The following BABAM2 variants were observed in gnomAD, a reference collection of about 807,000 sequenced individuals.
BABAM2 encodes the protein BRISC and BRCA1-A complex member 2.
Under a neutral mutation model 54.7 loss-of-function variants are expected in BABAM2, and 31 were observed. The observed-to-expected ratio is 0.57, with a 90% confidence interval of 0.43 to 0.77. The LOEUF (loss-of-function observed/expected upper bound fraction) is 0.77. Among genes scored for constraint, BABAM2 ranks in the 30% least tolerant of loss-of-function variants. BABAM2 has a pLI of 0.00. For missense variants in BABAM2, 364 were observed against 455.8 expected (o/e 0.80, Z 1.83); for synonymous variants, 167 against 162.9 (o/e 1.03, Z -0.19).
intron 6 of BABAM2, among the ~76,000 whole-genome samples, chr2:28,049,038 G>C (rs973772239): frequency 3.9e-5 from 6 of 152,188 alleles, no homozygotes; most frequent in Non-Finnish European, 5.9e-5. Context: ...TAAAGAAAAG[G>C]TTTGAATTGT....
Position 28,308,085 on chromosome 2 carries a change from T to C in BABAM2, c.1088+9594T>C, listed in dbSNP as rs1688719214. 2.1e-5 allele frequency: 5 copies of C among 233,076 alleles called. No individual in the cohort carries two copies. The South Asian group carries it at 3.2e-4, about 15-fold the overall frequency. 14.4% of individuals were successfully genotyped at this position (233,076 alleles called of 1,614,324 possible). A position where few individuals can be genotyped will look rare whatever the true frequency, so the allele number is the denominator to read the frequency against. On this transcript the variant is annotated intron_variant, in intron 11 of 11. Coordinates refer to ENST00000379624, the MANE Select transcript of BABAM2 (RefSeq NM_199191.3). ...TTATAAAAACTGAGGCTCAGAGTGA[T>C]TAATTGACTTTGCCGAGGGCACACA...
intron 10 of BABAM2, among the ~76,000 whole-genome samples, chr2:28,271,077 C>G (rs1172366975): frequency 6.6e-6 from 1 of 152,158 alleles, no homozygotes; most frequent in African/African-American, 2.4e-5. Context: ...TTATTTGGTT[C>G]TTCCCAGTTT....
chr2:28,152,122 A>C (rs915121409), intron 7 of BABAM2, among the ~76,000 whole-genome samples: 1 of 152,202 alleles, frequency 6.6e-6, no homozygotes, highest in African/African-American at 2.4e-5. Context: ...CATTCTGTCT[A>C]TAGCACCCCT....
chr2:28,006,001 T>C (rs1051547124), intron 4 of BABAM2, among the ~76,000 whole-genome samples: 1 of 152,170 alleles, frequency 6.6e-6, no homozygotes, highest in Non-Finnish European at 1.5e-5. Flanking sequence ...CATCATCAAA[T>C]AACCAGTCAT....
chr2:28,247,357 A>G (rs911926147), intron 10 of BABAM2, among the ~76,000 whole-genome samples: 12 of 152,218 alleles, frequency 7.9e-5, no homozygotes, highest in Admixed American at 1.3e-4. Flanking sequence ...TATCTAAAAT[A>G]TAGGACTTGC....
At chr2:28,223,904 G>T (rs1680635774) in intron 7 of BABAM2, among the ~76,000 whole-genome samples, 1 of 151,960 alleles carries the variant, frequency 6.6e-6, no homozygotes, top group African/African-American at 2.4e-5. Flanking sequence ...CTAGAACAAG[G>T]GTGGGAGAAA....
intron 6 of BABAM2, among the ~76,000 whole-genome samples, chr2:28,088,636 A>G (rs186032138): frequency 1.3e-5 from 2 of 152,338 alleles, no homozygotes; most frequent in East Asian, 3.9e-4. Context: ...AAAACTCCCA[A>G]TCTAGGCTGC....
chr2:28,146,502 ACT>A (rs1162634024), intron 7 of BABAM2, among the ~76,000 whole-genome samples: 5 of 152,212 alleles, frequency 3.3e-5, no homozygotes, highest in African/African-American at 4.8e-5. Context: ...AAAATAAAGA[ACT>A]CTTTAAAATT....
At chr2:28,230,657 G>A (rs1681294947) in intron 7 of BABAM2, among the ~76,000 whole-genome samples, 1 of 150,684 alleles carries the variant, frequency 6.6e-6, no homozygotes, top group Non-Finnish European at 1.5e-5. Context: ...CTGGGAAGTT[G>A]AGGCTGCAGT....
chr2:28,308,473 A>T (rs1450293215), intron 11 of BABAM2: 1 of 529,506 alleles, frequency 1.9e-6, no homozygotes, highest in Non-Finnish European at 3.7e-6. Flanking sequence ...GTCAAAGCCA[A>T]CAAGCACCAG....
intron 4 of BABAM2, among the ~76,000 whole-genome samples, chr2:27,996,703 T>C (rs999682376): frequency 6.6e-6 from 1 of 152,192 alleles, no homozygotes; most frequent in Non-Finnish European, 1.5e-5. Context: ...AGCAGCAGTT[T>C]TGTGACTGTG....
At chr2:28,233,739 GCTCACCCCAGACAGCCAAC>G (rs1242868098) in intron 7 of BABAM2, among the ~76,000 whole-genome samples, 1 of 152,182 alleles carries the variant, frequency 6.6e-6, no homozygotes, top group Non-Finnish European at 1.5e-5. Flanking sequence ...ACCTGTTGAG[GCTCACCCCAGACAGCCAAC>G]CAAGTCATTC....
chr2:28,078,353 G>A (rs557701347), intron 6 of BABAM2, among the ~76,000 whole-genome samples: 1 of 152,028 alleles, frequency 6.6e-6, no homozygotes, highest in South Asian at 2.1e-4. Context: ...GCCCCAAAGT[G>A]CAAGAGTAGG....
intron 10 of BABAM2, among the ~76,000 whole-genome samples, chr2:28,246,941 A>G (rs1172933559): frequency 6.6e-6 from 1 of 152,052 alleles, no homozygotes; most frequent in Non-Finnish European, 1.5e-5. Flanking sequence ...CCCACAGAAT[A>G]TTTTCTCCTT....
chr2:28,176,569 C>CAAAAAAAAAAAAA lies in BABAM2; in HGVS notation c.680+47204_680+47216dup, dbSNP rs778275011. Reference sequence around the variant, plus strand: ...TGGGCAACACAGTGAGACTCTATCTCAAAAAAAAAAAAAAAAAAAAAAAAA... The same window carrying CAAAAAAAAAAAAA: ...TGGGCAACACAGTGAGACTCTATCTCAAAAAAAAAAAAAAAAAAAAAAAAAAAAAAAAAAAAAA... On this transcript the variant is annotated intron_variant, in intron 7 of 11. Coordinates refer to ENST00000379624, the MANE Select transcript of BABAM2 (RefSeq NM_199191.3). Among the ~76,000 whole-genome samples, 21 of 5,040 alleles carry CAAAAAAAAAAAAA rather than the reference C, an allele frequency of 4.2e-3. 9 individuals carry two copies. The highest frequency in any genetic ancestry group is 4.9e-3 in the Non-Finnish European group (14 of 2,864). 3.3% of individuals were successfully genotyped at this position (5,040 alleles called of 152,430 possible). A position where few individuals can be genotyped will look rare whatever the true frequency, so the allele number is the denominator to read the frequency against.
chr2:27,997,762 G>A (rs986400129), intron 4 of BABAM2, among the ~76,000 whole-genome samples: 4 of 152,266 alleles, frequency 2.6e-5, no homozygotes, highest in African/African-American at 9.6e-5. Flanking sequence ...ATAACATTTA[G>A]CAGATGTTGC....
intron 7 of BABAM2, among the ~76,000 whole-genome samples, chr2:28,136,980 G>A (rs1670601528): frequency 6.6e-6 from 1 of 152,030 alleles, no homozygotes; most frequent in African/African-American, 2.4e-5. Context: ...TGGTATATGT[G>A]ATTTTATTTA....
intron 6 of BABAM2, among the ~76,000 whole-genome samples, chr2:28,110,242 A>G (rs55819434): frequency 0.13 from 20,293 of 152,128 alleles, 1,727 homozygotes; most frequent in African/African-American, 0.23. Flanking sequence ...ATATGTGTAC[A>G]TATATACCAT....
At chr2:27,967,285 C>T (rs115679589) in intron 3 of BABAM2, among the ~76,000 whole-genome samples, 12 of 152,184 alleles carry the variant, frequency 7.9e-5, no homozygotes, top group African/African-American at 2.6e-4. Context: ...ATGCTGTTCT[C>T]GTGATGCTGA....
Sources: allele counts gnomAD v4.1 joint callset (sites outside exome capture counted in the v4.1 genomes callset), GRCh38; gene constraint gnomAD v4.1.1; transcripts MANE v1.5; gene names NCBI Gene and HGNC (gene_info 2026-07-23, HGNC 2026-07-21).